The following SOBP variants were observed in gnomAD, a reference collection of about 807,000 sequenced individuals.
SOBP encodes sine oculis-binding protein homolog.
SOBP carries 4 observed loss-of-function variants against 53.6 expected under a neutral mutation model. That is an observed-to-expected ratio of 0.07 (90% CI 0.04 to 0.17). SOBP has a LOEUF of 0.17. Among genes scored for constraint, SOBP ranks in the 10% least tolerant of loss-of-function variants. The probability of loss-of-function intolerance (pLI) is 1.00; values close to 1 mark genes in which losing one functional copy is unlikely to be tolerated. For missense variants in SOBP, 1,088 were observed against 1,204.7 expected, an observed-to-expected ratio of 0.90 and a Z score of 1.43; for synonymous variants, 584 against 522.6, an observed-to-expected ratio of 1.12 and a Z score of -1.60.
In SOBP at chr6:107,500,776, T is replaced by C. The variant is rs149801077; in HGVS notation, c.97-2881T>C. On this transcript the variant is annotated intron_variant, in intron 1 of 6. Coordinates refer to ENST00000317357, the MANE Select transcript of SOBP (RefSeq NM_018013.4). ...TCCTGACCTTGTGATCTGCCCACCT[T>C]GGCCTCCCAAAGTGCTGGGATTACA... 4.6e-4 allele frequency among the ~76,000 whole-genome samples: 70 copies of C among 152,196 alleles called. 1 individual carries two copies. The highest frequency in any genetic ancestry group is 3.7e-3 in the South Asian group (18 of 4,822).
At chr6:107,562,097 C>G (rs1784790002) in intron 4 of SOBP, among the ~76,000 whole-genome samples, 1 of 143,978 alleles carries the variant, frequency 6.9e-6, no homozygotes, top group African/African-American at 2.6e-5. Context: ...GTGGTGCAAT[C>G]TTGGCTCACT....
intron 3 of SOBP, among the ~76,000 whole-genome samples, chr6:107,532,393 AT>A (rs1273415113): frequency 6.6e-6 from 1 of 151,902 alleles, no homozygotes; most frequent in Non-Finnish European, 1.5e-5. Flanking sequence ...GTTTCCTTTT[AT>A]TCACCCCCAC....
intron 3 of SOBP, among the ~76,000 whole-genome samples, chr6:107,524,758 AAAGAG>A (rs1186265018): frequency 6.6e-6 from 1 of 152,206 alleles, no homozygotes; most frequent in African/African-American, 2.4e-5. Context: ...ATTGTGGGCA[AAAGAG>A]AAGAAACCTT....
At chr6:107,516,212 A>T (rs542178297) in intron 3 of SOBP, among the ~76,000 whole-genome samples, 1 of 152,292 alleles carries the variant, frequency 6.6e-6, no homozygotes, top group South Asian at 2.1e-4. Context: ...TTGTAATAGT[A>T]GTACTTTGGG....
chr6:107,595,446 G>A (rs934395017), intron 5 of SOBP, among the ~76,000 whole-genome samples: 2 of 145,716 alleles, frequency 1.4e-5, no homozygotes, highest in African/African-American at 5.1e-5. Context: ...TAGAGTGAAT[G>A]GATCTATTTC....
intron 5 of SOBP, among the ~76,000 whole-genome samples, chr6:107,597,248 C>T (rs1785978770): frequency 6.6e-6 from 1 of 152,110 alleles, no homozygotes; most frequent in Non-Finnish European, 1.5e-5. Context: ...TGGGGCCCTT[C>T]ATTAGATAGC....
At chr6:107,560,428 C>T (rs1211614965) in intron 4 of SOBP, among the ~76,000 whole-genome samples, 2 of 152,124 alleles carry the variant, frequency 1.3e-5, no homozygotes, top group East Asian at 1.9e-4. Context: ...TTTGTCCACC[C>T]AATGACGGAT....
chr6:107,511,262 A>G (rs1445864691), intron 3 of SOBP: 1 of 152,178 alleles, frequency 6.6e-6, no homozygotes, highest in African/African-American at 2.4e-5. Context: ...TCAGAATAAT[A>G]ATGCCTGTTA....
chr6:107,586,213 G>A (rs956277380), intron 4 of SOBP, among the ~76,000 whole-genome samples: 2 of 152,222 alleles, frequency 1.3e-5, no homozygotes, highest in African/African-American at 4.8e-5. Context: ...AGACAGCTCA[G>A]CTGTGAATTT....
Position 107,490,429 on chromosome 6 carries a change from G to T in SOBP, c.-188G>T, listed in dbSNP as rs1024351960. On this transcript the variant is annotated 5_prime_UTR_variant, in exon 1 of 7. Coordinates refer to ENST00000317357, the MANE Select transcript of SOBP (RefSeq NM_018013.4). ...CCCGTGACAGCCACTGACGTCCTCC[G>T]CCGCTAGAAGAGACCCCGCTTCTCG... The T allele has an allele frequency of 5.7e-6, 3 of 527,048 alleles. No homozygotes were observed. The African/African-American group carries it at 5.9e-5, about 10-fold the overall frequency. 32.6% of individuals were successfully genotyped at this position (527,048 alleles called of 1,614,324 possible). A position where few individuals can be genotyped will look rare whatever the true frequency, so the allele number is the denominator to read the frequency against.
intron 1 of SOBP, among the ~76,000 whole-genome samples, chr6:107,496,531 TC>T (rs1416278526): frequency 6.6e-6 from 1 of 152,226 alleles, no homozygotes; most frequent in Admixed American, 6.5e-5. Context: ...TCCAGCCTGT[TC>T]CAAGTCAGAG....
chr6:107,506,166 G>A (rs1048185555), intron 2 of SOBP, 76 bp from the exon 3 acceptor site: 1 of 1,335,618 alleles, frequency 7.5e-7, no homozygotes, highest in Non-Finnish European at 1.1e-6. Context: ...CATTTTACTT[G>A]AGAAAATAAG....
At chr6:107,542,542 T>C (rs530911800) in intron 4 of SOBP, among the ~76,000 whole-genome samples, 10 of 152,218 alleles carry the variant, frequency 6.6e-5, no homozygotes, top group African/African-American at 2.4e-4. Context: ...ATTGGGCCTC[T>C]GTGACGGAAG....
chr6:107,544,004 C>G (rs1179438618), intron 4 of SOBP, among the ~76,000 whole-genome samples: 1 of 152,210 alleles, frequency 6.6e-6, no homozygotes, highest in Non-Finnish European at 1.5e-5. Flanking sequence ...GGTGCCATTA[C>G]AGCAGCAGAT....
In SOBP at chr6:107,512,752, A is replaced by T. The variant is rs968386240; in HGVS notation, c.421+6325A>T. On this transcript the variant is annotated intron_variant, in intron 3 of 6. Coordinates refer to ENST00000317357, the MANE Select transcript of SOBP (RefSeq NM_018013.4). ...CCAAAATTTTTTTTTTAAATTAATA[A>T]AACTATTAGTGTGATTGTTTTTGTT... Among the ~76,000 whole-genome samples, 12 of 152,300 alleles carry T rather than the reference A, an allele frequency of 7.9e-5. No individual in the cohort carries two copies. The East Asian group carries it at 2.1e-3, about 27-fold the overall frequency.
intron 5 of SOBP, among the ~76,000 whole-genome samples, chr6:107,599,535 A>T (rs543188750): frequency 6.6e-6 from 1 of 152,146 alleles, no homozygotes; most frequent in South Asian, 2.1e-4. Flanking sequence ...CAAGATCTTC[A>T]TCAAAAAAAA....
chr6:107,638,679 A>G (rs933165692), intron 6 of SOBP, among the ~76,000 whole-genome samples: 8 of 152,216 alleles, frequency 5.3e-5, no homozygotes, highest in African/African-American at 1.9e-4. Flanking sequence ...GCCAAAGTGG[A>G]AAGTGTTACA....
intron 4 of SOBP, among the ~76,000 whole-genome samples, chr6:107,543,709 T>G (rs1193781616): frequency 1.3e-5 from 2 of 152,196 alleles, no homozygotes; most frequent in African/African-American, 4.8e-5. Flanking sequence ...CTTTACACGA[T>G]GGATGTGTCA....
intron 4 of SOBP, among the ~76,000 whole-genome samples, chr6:107,559,543 C>T (rs1784715923): frequency 6.6e-6 from 1 of 152,204 alleles, no homozygotes; most frequent in African/African-American, 2.4e-5. Context: ...TTCGCCTAGT[C>T]CTGTCAAGAA....
Sources: gnomAD v4.1 joint callset for allele counts (sites outside exome capture counted in the v4.1 genomes callset) on GRCh38, gnomAD v4.1.1 for gene constraint, MANE v1.5 for transcripts, NCBI Gene and HGNC (gene_info 2026-07-23, HGNC 2026-07-21) for gene names.